Variants in SPRYD3 observed in about 807,000 individuals in gnomAD.
The protein encoded by SPRYD3 is SPRY domain-containing protein 3.
A neutral mutation model predicts 50.1 loss-of-function variants in SPRYD3; 17 were observed. The ratio of observed to expected loss-of-function variants is 0.34; its 90% CI spans 0.23 to 0.51. The LOEUF (loss-of-function observed/expected upper bound fraction) is 0.51. SPRYD3 is among the 20% of genes least tolerant of loss of function. The probability of loss-of-function intolerance (pLI) is 0.97; values close to 1 mark genes in which losing one functional copy is unlikely to be tolerated. For synonymous variants in SPRYD3, 198 were observed against 215.5 expected (o/e 0.92, Z 0.71); for missense variants, 401 against 591.2 (o/e 0.68, Z 3.34).
chr12:53,076,852 G>A (rs1944592237), intron 2 of SPRYD3, among the ~76,000 whole-genome samples: 1 of 152,104 alleles, frequency 6.6e-6, no homozygotes, highest in East Asian at 1.9e-4. Flanking sequence ...GGGAAGCTGA[G>A]GCAGGAGAAT....
In SPRYD3 at chr12:53,074,379, GT is replaced by G. The variant is rs1448475295; in HGVS notation, c.507+269del. ...ACCTTCCCCCAAATCACCCAATTCT[GT>G]TCCCCACAATTCCTGCTCATCCTCT... On this transcript the variant is annotated intron_variant, in intron 5 of 10. Coordinates refer to ENST00000301463, the MANE Select transcript of SPRYD3 (RefSeq NM_032840.3). The surrounding 1 kb of genome is among the most constrained non-coding windows in gnomAD (Gnocchi z 4.6). Among the ~76,000 whole-genome samples, 16 of 152,270 alleles carry G rather than the reference GT, an allele frequency of 1.1e-4. No homozygotes were observed. The highest frequency in any genetic ancestry group is 1.5e-4 in the Non-Finnish European group (10 of 68,018).
chr12:53,072,492 G>A (rs1056856814), intron 6 of SPRYD3, among the ~76,000 whole-genome samples: 3 of 152,234 alleles, frequency 2.0e-5, no homozygotes, highest in Non-Finnish European at 4.4e-5. Context: ...GGGACAATTC[G>A]AAGTGGGAGG....
At position 53,077,199 on chromosome 12, in the gene SPRYD3, C is replaced by A; in HGVS notation, c.86G>T (p.Arg29Leu). The change falls in exon 2 of 11, where the codon CGG (arginine) becomes CTG (leucine). Residue 29 changes from arginine to leucine, a missense_variant. Coordinates refer to ENST00000301463, the MANE Select transcript of SPRYD3 (RefSeq NM_032840.3). ...NLHYRFLNWR[R>L]RIREIREVRA... ...GACCTCTCGAATCTCCCGGATCCGC[C>A]GGCGCCAATTCAGAAACCGGTAGTG... 6.2e-7 allele frequency: 1 copy of A among 1,614,172 alleles called. No homozygotes were observed. The highest frequency in any genetic ancestry group is 8.5e-7 in the Non-Finnish European group (1 of 1,180,022).
intron 1 of SPRYD3, among the ~76,000 whole-genome samples, chr12:53,079,001 C>G (rs1261323418): frequency 6.6e-6 from 1 of 152,234 alleles, no homozygotes; most frequent in African/African-American, 2.4e-5. Context: ...CAGGTAGATG[C>G]TGGTTGCGCA....
At chr12:53,071,077 C>T (rs1244980543) in intron 6 of SPRYD3, among the ~76,000 whole-genome samples, 1 of 152,300 alleles carries the variant, frequency 6.6e-6, no homozygotes, top group East Asian at 1.9e-4. Flanking sequence ...ATCCGCCCTC[C>T]TCCCCTTGCC....
chr12:53,071,331 C>A (rs938430864), intron 6 of SPRYD3, among the ~76,000 whole-genome samples: 6 of 152,166 alleles, frequency 3.9e-5, no homozygotes, highest in Admixed American at 3.3e-4. Flanking sequence ...GAACAGGGCA[C>A]AAACACAGAA....
At chr12:53,066,267 G>A (rs61929185) in intron 10 of SPRYD3, 47 bp downstream of exon 10, 93 of 1,593,796 alleles carry the variant, frequency 5.8e-5, no homozygotes, top group Non-Finnish European at 7.7e-5. Context: ...CCCACCCTTT[G>A]CCCAGACCCA....
At chr12:53,070,647 A>C (rs1343907796) in intron 6 of SPRYD3, among the ~76,000 whole-genome samples, 1 of 152,228 alleles carries the variant, frequency 6.6e-6, no homozygotes, top group African/African-American at 2.4e-5. Flanking sequence ...AAGTGGGAAG[A>C]CTTAATGAAG....
chr12:53,073,259 C>CCGGGGGGGCG, intron 6 of SPRYD3, 27 bp downstream of exon 6: 1 of 400,932 alleles, frequency 2.5e-6, no homozygotes, highest in Non-Finnish European at 4.6e-6. Flanking sequence ...CGACCCAGCC[C>CCGGGGGGGCG]CTCCCACCCT....
rs551456476 is a variant in SPRYD3 at position 53,073,716 on chromosome 12, C to T, written c.508-245G>A. On this transcript the variant is annotated intron_variant, in intron 5 of 10. Coordinates refer to ENST00000301463, the MANE Select transcript of SPRYD3 (RefSeq NM_032840.3). ...AAAATTAGCCGGGCGTGGTGGCGGG[C>T]GCCTGTAGTCCCAGCTACTCGGGAG... is the stretch of plus-strand genomic sequence containing the variant. 3.3e-3 allele frequency among the ~76,000 whole-genome samples: 501 copies of T among 151,846 alleles called. 2 individuals are homozygous for T. The highest frequency in any genetic ancestry group is 5.9e-3 in the Non-Finnish European group (401 of 67,916).
chr12:53,079,222 C>T, intron 1 of SPRYD3, 89 bp downstream of exon 1: 1 of 1,399,422 alleles, frequency 7.1e-7, no homozygotes, highest in Non-Finnish European at 9.9e-7. Context: ...GCCCCTGGCC[C>T]CAGAGCCCCC....
intron 6 of SPRYD3, 27 bp downstream of exon 6, chr12:53,073,259 C>CCCGGGGGGGGGGGGGGGGGGGG: frequency 1.5e-5 from 6 of 400,928 alleles, no homozygotes; most frequent in East Asian, 3.8e-5. Context: ...CGACCCAGCC[C>CCCGGGGGGGGGGGGGGGGGGGG]CTCCCACCCT....
At position 53,064,607 on chromosome 12, in the gene SPRYD3, G is replaced by A. The variant is rs12822869; in HGVS notation, c.*1225C>T. The A allele has an allele frequency of 0.056, 8,525 of 152,678 alleles. 336 individuals are homozygous for A. The highest frequency in any genetic ancestry group is 0.17 in the East Asian group (864 of 5,148). The allele number at this position is 152,678 out of a possible 1,614,324, so 9.5% of individuals were successfully genotyped here. ...TGGTTCCGGCCATACTGATAAATACGGAAACTCCATCTTTATCGGCTGTAT... is the reference window on the plus strand; with the variant it reads ...TGGTTCCGGCCATACTGATAAATACAGAAACTCCATCTTTATCGGCTGTAT... On this transcript the variant is annotated 3_prime_UTR_variant, in exon 11 of 11. Coordinates refer to ENST00000301463, the MANE Select transcript of SPRYD3 (RefSeq NM_032840.3).
chr12:53,077,620 TGAG>T (rs1163944773), intron 1 of SPRYD3, among the ~76,000 whole-genome samples: 3 of 152,140 alleles, frequency 2.0e-5, no homozygotes, highest in Non-Finnish European at 4.4e-5. Context: ...GCGGTCTCTC[TGAG>T]GAGGTGACAT....
intron 8 of SPRYD3, among the ~76,000 whole-genome samples, 171 bp downstream of exon 8, chr12:53,067,477 G>A (rs73099928): frequency 0.046 from 7,029 of 152,248 alleles, 199 homozygotes; most frequent in African/African-American, 0.075. Context: ...TCCAGAGCTG[G>A]GAGGAAAACA....
intron 8 of SPRYD3, among the ~76,000 whole-genome samples, chr12:53,067,444 T>C (rs1555161665): frequency 6.6e-6 from 1 of 152,106 alleles, no homozygotes; most frequent in Non-Finnish European, 1.5e-5. Flanking sequence ...CAGATCTCCC[T>C]CTCCTGTCCT....
chr12:53,074,581 C>A lies in SPRYD3; in HGVS notation c.507+68G>T, dbSNP rs1019567754. The stretch of plus-strand genomic sequence containing the variant: ...GCAAGCCCCAGCCAGCAGACTCTTC[C>A]TAATCACTCCCCACAAATCCTTGGG... On this transcript the variant is annotated intron_variant, in intron 5 of 10. Coordinates refer to ENST00000301463, the MANE Select transcript of SPRYD3 (RefSeq NM_032840.3). This position sits in a 1 kb window ranked among gnomAD's most constrained non-coding sequence, Gnocchi z 4.6. 1 of 1,601,116 alleles carries A rather than the reference C, an allele frequency of 6.2e-7. No individual in the cohort carries two copies.
intron 2 of SPRYD3, among the ~76,000 whole-genome samples, chr12:53,076,254 T>G (rs1944588101): frequency 6.6e-6 from 1 of 152,238 alleles, no homozygotes; most frequent in African/African-American, 2.4e-5. Context: ...TTCCCACTCC[T>G]CAGCTTTCTT....
At chr12:53,073,256 G>GCCCCCGGGGGGGGGGGGGGGGGCCCCCCC in intron 6 of SPRYD3, 30 bp downstream of exon 6, 2 of 424,132 alleles carry the variant, frequency 4.7e-6, no homozygotes, top group Non-Finnish European at 8.8e-6. Flanking sequence ...CTCCGACCCA[G>GCCCCCGGGGGGGGGGGGGGGGGCCCCCCC]CCCCTCCCAC....
Sources: allele counts gnomAD v4.1 joint callset (sites outside exome capture counted in the v4.1 genomes callset), GRCh38; gene constraint gnomAD v4.1.1; non-coding constraint Gnocchi (gnomAD v3.1); transcripts MANE v1.5; gene names NCBI Gene and HGNC (gene_info 2026-07-23, HGNC 2026-07-21).